PAPPA2: variants seen among roughly 807,000 people sequenced by gnomAD.
PAPPA2 encodes the protein pappalysin 2.
In PAPPA2, 86 loss-of-function variants were observed where a neutral mutation model predicts 176.4. The ratio of observed to expected loss-of-function variants is 0.49; its 90% CI spans 0.41 to 0.58. PAPPA2 has a LOEUF of 0.58. Ranked by LOEUF, PAPPA2 falls within the 20% of genes least tolerant of loss-of-function variation. The pLI, the probability that PAPPA2 is intolerant of heterozygous loss-of-function variation, is 0.00. For synonymous variants in PAPPA2, 809 were observed against 852.2 expected (o/e 0.95, Z 0.88); for missense variants, 2,073 against 2,256.9 (o/e 0.92, Z 1.65).
chr1:176,777,423 C>T (rs1375161398), intron 17 of PAPPA2, among the ~76,000 whole-genome samples: 1 of 152,080 alleles, frequency 6.6e-6, no homozygotes, highest in Admixed American at 6.6e-5. Context: ...GGGTCTAGTT[C>T]TCCCTTGAAG....
chr1:176,503,741 G>T (rs1029280711), intron 1 of PAPPA2, among the ~76,000 whole-genome samples: 19 of 152,302 alleles, frequency 1.2e-4, no homozygotes, highest in Admixed American at 9.2e-4. Context: ...GGATTAGGCA[G>T]AGGATTGGCT....
intron 1 of PAPPA2, among the ~76,000 whole-genome samples, chr1:176,528,025 C>T (rs1649590484): frequency 6.6e-6 from 1 of 152,190 alleles, no homozygotes; most frequent in Non-Finnish European, 1.5e-5. Flanking sequence ...CCCCTTTAGT[C>T]CTGGGTAAAC....
chr1:176,519,562 C>T (rs966209629), intron 1 of PAPPA2, among the ~76,000 whole-genome samples: 4 of 152,144 alleles, frequency 2.6e-5, no homozygotes, highest in South Asian at 2.1e-4. Flanking sequence ...GAAATTTCTC[C>T]GTCCATGCCA....
intron 21 of PAPPA2, among the ~76,000 whole-genome samples, chr1:176,823,056 T>G (rs986758381): frequency 1.3e-5 from 2 of 152,234 alleles, no homozygotes; most frequent in Admixed American, 6.5e-5. Flanking sequence ...AATTTCTCTT[T>G]CAAGTAACTA....
chr1:176,516,845 T>G (rs1292502198), intron 1 of PAPPA2, among the ~76,000 whole-genome samples: 1 of 152,218 alleles, frequency 6.6e-6, no homozygotes, highest in Admixed American at 6.5e-5. Context: ...GGAAATCTGA[T>G]TGGTTCTCAA....
chr1:176,514,071 C>T (rs1287160320), intron 1 of PAPPA2, among the ~76,000 whole-genome samples: 1 of 152,192 alleles, frequency 6.6e-6, no homozygotes, highest in Non-Finnish European at 1.5e-5. Context: ...GTCTGTTTTG[C>T]ATTGCTGTAA....
chr1:176,551,756 TA>T (rs1650963654), intron 1 of PAPPA2, among the ~76,000 whole-genome samples: 2 of 152,190 alleles, frequency 1.3e-5, no homozygotes, highest in African/African-American at 4.8e-5. Flanking sequence ...AATCTTTAGA[TA>T]AGAGGACCCA....
intron 1 of PAPPA2, among the ~76,000 whole-genome samples, chr1:176,526,115 T>C (rs181392629): frequency 2.0e-5 from 3 of 152,312 alleles, no homozygotes; most frequent in African/African-American, 7.2e-5. Flanking sequence ...TGTTTATGGA[T>C]TCCTCTACTC....
At chr1:176,775,398 G>A (rs113162872) in intron 17 of PAPPA2, among the ~76,000 whole-genome samples, 149 of 152,252 alleles carry the variant, frequency 9.8e-4, no homozygotes, top group African/African-American at 3.3e-3. Flanking sequence ...GCTTTAGAGT[G>A]AATGAGAACT....
At chr1:176,768,483 G>A (rs949029965) in intron 15 of PAPPA2, among the ~76,000 whole-genome samples, 1 of 152,018 alleles carries the variant, frequency 6.6e-6, no homozygotes, top group Non-Finnish European at 1.5e-5. Context: ...TCTTTATATG[G>A]CATTCTTTCC....
chr1:176,757,029 A>T (rs963600446), intron 14 of PAPPA2, among the ~76,000 whole-genome samples: 1 of 152,202 alleles, frequency 6.6e-6, no homozygotes, highest in African/African-American at 2.4e-5. Flanking sequence ...CCTGCAAAGG[A>T]CATGAACTCA....
intron 2 of PAPPA2, among the ~76,000 whole-genome samples, chr1:176,582,556 C>T (rs537179152): frequency 7.9e-5 from 12 of 151,886 alleles, no homozygotes; most frequent in Admixed American, 5.2e-4. Flanking sequence ...ATAATATATT[C>T]GCTGAAATGA....
chr1:176,724,172 A>C (rs546767352), intron 12 of PAPPA2, among the ~76,000 whole-genome samples: 1 of 152,336 alleles, frequency 6.6e-6, no homozygotes, highest in African/African-American at 2.4e-5. Context: ...ACGAGCAAGC[A>C]AACAAATTAA....
At position 176,793,587 on chromosome 1, in the gene PAPPA2, TC is replaced by T. The variant is rs747970462; in HGVS notation, c.5055del (p.Ser1686ValfsTer4). The T allele has an allele frequency of 3.1e-6, 5 of 1,612,184 alleles. No homozygotes were observed. Among genetic ancestry groups the T allele is most frequent in the Non-Finnish European group, 3.4e-6 (4 of 1,178,750 alleles). On this transcript the variant is annotated frameshift_variant, in exon 20 of 23. Coordinates refer to ENST00000367662, the MANE Select transcript of PAPPA2 (RefSeq NM_020318.3). LOFTEE classifies it high-confidence loss of function. ...GCAGTGTGTTCCCCATTGTGTGTAA[TC>T]CCCCCCAGTGACCCCGTGATGCTAC... Reference protein sequence around the residue: ...IGAVCSPLCVIPPSDPVMLPE... With the variant: ...IGAVCSPLCVXPPSDPVMLPE...
rs10913241 is a variant in PAPPA2 at position 176,690,327 on chromosome 1, C to T, written c.2328C>T (p.Pro776=). ...ETGDLCADTA[P]TPKSELCREP... Reference sequence around the variant, plus strand: ...GAGACCTCTGTGCCGACACCGCCCCCACTCCCAAGAGTGAGCTGTGCCGGG... The same window carrying T: ...GAGACCTCTGTGCCGACACCGCCCCTACTCCCAAGAGTGAGCTGTGCCGGG... Residue 776 remains proline (P), a synonymous_variant, in exon 5 of 23, where the codon CCC becomes CCT. Transcript: ENST00000367662. 279,935 of 1,614,004 alleles carry T rather than the reference C, an allele frequency of 0.17. 25,916 individuals carry two copies. Among genetic ancestry groups the T allele is most frequent in the Middle Eastern group, 0.29 (1,771 of 6,060 alleles).
At chr1:176,705,361 C>G (rs1660833675) in intron 9 of PAPPA2, among the ~76,000 whole-genome samples, 1 of 151,996 alleles carries the variant, frequency 6.6e-6, no homozygotes, top group Non-Finnish European at 1.5e-5. Flanking sequence ...CATTTTAAAC[C>G]ATTCTCATTT....
In PAPPA2 at chr1:176,737,714, G is replaced by C. The variant is rs1248329022; in HGVS notation, c.3799-1912G>C. 2.6e-5 allele frequency among the ~76,000 whole-genome samples: 4 copies of C among 152,088 alleles called. 1 individual carries two copies. Among genetic ancestry groups the C allele is most frequent in the African/African-American group, 9.7e-5 (4 of 41,438 alleles). ...ACAGAGACCTTGCCACCAGGAACAGGCAAAGTGATTTGATATTCAAAGACC... is the reference window on the plus strand; with the variant it reads ...ACAGAGACCTTGCCACCAGGAACAGCCAAAGTGATTTGATATTCAAAGACC... On this transcript the variant is annotated intron_variant, in intron 12 of 22. Coordinates refer to ENST00000367662, the MANE Select transcript of PAPPA2 (RefSeq NM_020318.3).
chr1:176,480,597 G>A (rs918891227), intron 1 of PAPPA2, among the ~76,000 whole-genome samples: 4 of 152,134 alleles, frequency 2.6e-5, no homozygotes, highest in Non-Finnish European at 5.9e-5. Flanking sequence ...CATGAGCACC[G>A]GGAGCTGTCT....
chr1:176,749,648 A>G (rs763379328), intron 14 of PAPPA2, among the ~76,000 whole-genome samples: 3 of 152,160 alleles, frequency 2.0e-5, no homozygotes, highest in Non-Finnish European at 2.9e-5. Flanking sequence ...ACAACCATTA[A>G]TATTTTTACC....
Sources: allele counts gnomAD v4.1 joint callset (sites outside exome capture counted in the v4.1 genomes callset), GRCh38; gene constraint gnomAD v4.1.1; transcripts MANE v1.5; gene names NCBI Gene and HGNC (gene_info 2026-07-23, HGNC 2026-07-21).